CCNY: variants seen among roughly 807,000 people sequenced by gnomAD.
CCNY encodes cyclin Y.
CCNY carries 19 observed loss-of-function variants against 42.8 expected under a neutral mutation model. The ratio of observed to expected loss-of-function variants is 0.44; its 90% CI spans 0.31 to 0.65. CCNY has a LOEUF of 0.65. Ranked by LOEUF, CCNY falls within the 30% of genes least tolerant of loss-of-function variation. CCNY has a pLI of 0.07. For synonymous variants in CCNY, 165 were observed against 162.7 expected, an observed-to-expected ratio of 1.01 and a Z score of -0.11; for missense variants, 370 against 437.3, an observed-to-expected ratio of 0.85 and a Z score of 1.37.
At chr10:35,390,939 C>T (rs1295139922) in intron 1 of CCNY, among the ~76,000 whole-genome samples, 1 of 152,176 alleles carries the variant, frequency 6.6e-6, no homozygotes, top group Admixed American at 6.5e-5. Context: ...TCCAGGAATC[C>T]CTCTGGGAAC....
chr10:35,272,385 A>T (rs1029828227), intron 3 of CCNY, among the ~76,000 whole-genome samples: 1 of 151,394 alleles, frequency 6.6e-6, no homozygotes, highest in African/African-American at 2.4e-5. Flanking sequence ...AGATTATTTC[A>T]TCACCCAGAT....
At chr10:35,521,359 C>T (rs1239671798) in intron 4 of CCNY, among the ~76,000 whole-genome samples, 3 of 152,122 alleles carry the variant, frequency 2.0e-5, no homozygotes, top group East Asian at 1.9e-4. Flanking sequence ...GTGTCCTAAC[C>T]GATAATCAGA....
In CCNY at chr10:35,540,124, G is replaced by C. The variant is rs551103106; in HGVS notation, c.579+9881G>C. On this transcript the variant is annotated intron_variant, in intron 7 of 9. Transcript: ENST00000374704. ...AAAGTGTTGAATAGAAGTATCACGA[G>C]TGCACATCCTTGTCTTGTTATTGAT... is the stretch of plus-strand genomic sequence containing the variant. Among the ~76,000 whole-genome samples the C allele has an allele frequency of 8.5e-5, 13 of 152,264 alleles. No homozygotes were observed. In the South Asian group the frequency reaches 2.7e-3, roughly 32 times the overall value.
At chr10:35,294,070 G>A (rs912659807) in intron 3 of CCNY, among the ~76,000 whole-genome samples, 6 of 152,224 alleles carry the variant, frequency 3.9e-5, no homozygotes, top group South Asian at 2.1e-4. Flanking sequence ...GATTACAGGC[G>A]TGAGCCACTG....
intron 1 of CCNY, among the ~76,000 whole-genome samples, chr10:35,410,567 G>A (rs1837882312): frequency 6.6e-6 from 1 of 152,218 alleles, no homozygotes; most frequent in African/African-American, 2.4e-5. Context: ...GTGCACTGTG[G>A]ATTGGTGAGC....
chr10:35,335,253 T>C (rs1336783773), upstream of CCNY, among the ~76,000 whole-genome samples: 1 of 152,282 alleles, frequency 6.6e-6, no homozygotes, highest in South Asian at 2.1e-4. Flanking sequence ...CAGCCAGGCA[T>C]GTTCACATAC....
intron 3 of CCNY, among the ~76,000 whole-genome samples, chr10:35,306,929 C>A (rs1032180773): frequency 6.6e-6 from 1 of 151,864 alleles, no homozygotes; most frequent in Admixed American, 6.6e-5. Context: ...TAGAAAAGCA[C>A]GTGTAGCTGC....
chr10:35,323,192 T>C (rs1410899534), intron 3 of CCNY, among the ~76,000 whole-genome samples: 2 of 152,212 alleles, frequency 1.3e-5, no homozygotes, highest in East Asian at 3.9e-4. Context: ...GCCTCCCAAA[T>C]TGCTAAGATT....
intron 1 of CCNY, among the ~76,000 whole-genome samples, chr10:35,395,878 G>A (rs1018456674): frequency 6.6e-6 from 1 of 152,156 alleles, no homozygotes; most frequent in Non-Finnish European, 1.5e-5. Context: ...AGTGGCTCCT[G>A]GGGATGGGGG....
chr10:35,565,462 C>T (rs933761042), intron 8 of CCNY, among the ~76,000 whole-genome samples: 5 of 152,176 alleles, frequency 3.3e-5, no homozygotes, highest in East Asian at 1.9e-4. Flanking sequence ...CCATTCTTCC[C>T]GGCTTGTGAG....
chr10:35,391,847 C>A (rs1369862030), intron 1 of CCNY, among the ~76,000 whole-genome samples: 1 of 152,154 alleles, frequency 6.6e-6, no homozygotes, highest in African/African-American at 2.4e-5. Context: ...CCCCGCTCTG[C>A]TACCGTTCCT....
Position 35,501,353 on chromosome 10 carries a change from C to T in CCNY, c.230-148C>T, listed in dbSNP as rs1298994002. The stretch of plus-strand genomic sequence containing the variant: ...CATTCAGATCTGCATTTGTGCAGGT[C>T]CTGTATTCTTATGTTTGATAAATGA... On this transcript the variant is annotated intron_variant, in intron 2 of 9. Transcript: ENST00000374704. 4.5e-6 allele frequency: 3 copies of T among 667,098 alleles called. No individual in the cohort carries two copies. The African/African-American group carries it at 5.3e-5, about 12-fold the overall frequency. The allele number at this position is 667,098 out of a possible 1,614,324, so 41.3% of individuals were successfully genotyped here.
chr10:35,340,383 G>A (rs1439463005), intron 1 of CCNY, among the ~76,000 whole-genome samples: 1 of 152,182 alleles, frequency 6.6e-6, no homozygotes, highest in Non-Finnish European at 1.5e-5. Flanking sequence ...AGGAGAAAGG[G>A]AGGGAGGGAC....
intron 7 of CCNY, among the ~76,000 whole-genome samples, chr10:35,533,630 G>C (rs948410816): frequency 2.0e-5 from 3 of 152,138 alleles, no homozygotes; most frequent in Admixed American, 6.5e-5. Flanking sequence ...CTGTTGCCTG[G>C]CCACCATATC....
chr10:35,416,936 G>A (rs79622149), intron 1 of CCNY, among the ~76,000 whole-genome samples: 2,002 of 152,180 alleles, frequency 0.013, 35 homozygotes, highest in East Asian at 0.056. Context: ...CTGAAGTCTA[G>A]GGTCATTAAT....
At chr10:35,567,717 T>A (rs774699689) in intron 9 of CCNY, among the ~76,000 whole-genome samples, 20 of 152,140 alleles carry the variant, frequency 1.3e-4, no homozygotes, top group African/African-American at 4.3e-4. Context: ...TAAATAAAAA[T>A]TTAAAAAGTA....
At chr10:35,567,109 A>G (rs893990654) in intron 9 of CCNY, among the ~76,000 whole-genome samples, 7 of 152,264 alleles carry the variant, frequency 4.6e-5, no homozygotes, top group African/African-American at 1.7e-4. Flanking sequence ...AAGCCCCTCA[A>G]AAAGATACTT....
intron 1 of CCNY, among the ~76,000 whole-genome samples, chr10:35,409,186 G>A (rs192066494): frequency 2.1e-4 from 29 of 138,998 alleles, no homozygotes; most frequent in African/African-American, 7.1e-4. Context: ...GTGGTACAGT[G>A]TGGCCAGCTG....
chr10:35,466,011 G>A (rs565374187), intron 1 of CCNY, among the ~76,000 whole-genome samples: 2 of 152,004 alleles, frequency 1.3e-5, no homozygotes, highest in South Asian at 2.1e-4. Context: ...AGCTCCTTGA[G>A]AGCGAGGACT....
Sources: allele counts gnomAD v4.1 joint callset (sites outside exome capture counted in the v4.1 genomes callset), GRCh38; gene constraint gnomAD v4.1.1; transcripts MANE v1.5; gene names NCBI Gene and HGNC (gene_info 2026-07-23, HGNC 2026-07-21).